HOXC9: variants seen among roughly 807,000 people sequenced by gnomAD.
HOXC9 encodes homeobox C9, also known as homeobox protein Hox-C9.
Under a neutral mutation model 20.0 loss-of-function variants are expected in HOXC9, and 10 were observed. The observed-to-expected ratio is 0.50, with a 90% CI of 0.31 to 0.85. The LOEUF (loss-of-function observed/expected upper bound fraction) is 0.85. HOXC9 is among the 40% of genes least tolerant of loss of function. The probability of loss-of-function intolerance (pLI) is 0.05; values close to 1 mark genes in which losing one functional copy is unlikely to be tolerated. For missense variants in HOXC9, 394 were observed against 376.7 expected, an observed-to-expected ratio of 1.05 and a Z score of -0.38; for synonymous variants, 200 against 163.7, an observed-to-expected ratio of 1.22 and a Z score of -1.69.
chr12:54,000,752 C>T, intron 1 of HOXC9, 26 bp downstream of exon 1: 1 of 1,480,718 alleles, frequency 6.8e-7, no homozygotes, highest in Non-Finnish European at 8.9e-7. Flanking sequence ...TTTTCCTTTA[C>T]AACCGGCGCG....
rs757790337 is a variant in HOXC9 at position 54,002,460 on chromosome 12, G to A, written c.569G>A (p.Arg190His). 10 of 1,613,930 alleles carry A rather than the reference G, an allele frequency of 6.2e-6. No individual in the cohort carries two copies. The highest frequency in any genetic ancestry group is 2.2e-5 in the East Asian group (1 of 44,894). Reference protein sequence around the residue: ...SNPVANWIHARSTRKKRCPYT... With the variant: ...SNPVANWIHAHSTRKKRCPYT... ...CCCGTGGCCAACTGGATTCACGCCC[G>A]CTCCACGAGGAAGAAGCGCTGCCCC... The change falls in exon 2 of 2, where the codon CGC (arginine) becomes CAC (histidine). Residue 190 changes from arginine to histidine, a missense_variant. Coordinates refer to ENST00000303450, the MANE Select transcript of HOXC9 (RefSeq NM_006897.3).
At position 54,002,347 on chromosome 12, in the gene HOXC9, C is replaced by T; in HGVS notation, c.539-83C>T. On this transcript the variant is annotated intron_variant, in intron 1 of 1. Coordinates refer to ENST00000303450, the MANE Select transcript of HOXC9 (RefSeq NM_006897.3). ...GGTTCAGTTATTGCATTTGGGGAGC[C>T]TGGCTAAGTCTAGGGGTAGAGTAGC... The T allele has an allele frequency of 6.0e-6, 9 of 1,489,120 alleles. No homozygotes were observed. In the South Asian group the frequency reaches 1.2e-4, roughly 20 times the overall value. 92.2% of individuals were successfully genotyped at this position (1,489,120 alleles called of 1,614,324 possible).
At position 54,002,524 on chromosome 12, in the gene HOXC9, T is replaced by C. The variant is rs759129781; in HGVS notation, c.633T>C (p.Phe211=). Reference sequence around the variant, plus strand: ...AGACGCTGGAACTGGAGAAGGAGTTTCTCTTCAATATGTATTTAACCAGGG... The same window carrying C: ...AGACGCTGGAACTGGAGAAGGAGTTCCTCTTCAATATGTATTTAACCAGGG... ...KYQTLELEKE[F]LFNMYLTRDR... is the part of the protein sequence containing the mutation. Residue 211 remains phenylalanine, a synonymous_variant, in exon 2 of 2, where the codon TTT becomes TTC. Coordinates refer to ENST00000303450, the MANE Select transcript of HOXC9 (RefSeq NM_006897.3). 6.2e-7 allele frequency: 1 copy of C among 1,614,166 alleles called. No individual in the cohort carries two copies. The highest frequency in any genetic ancestry group is 8.5e-7 in the Non-Finnish European group (1 of 1,180,034).
Position 54,000,163 on chromosome 12 carries a change from T to A in HOXC9, c.-26T>A. On this transcript the variant is annotated 5_prime_UTR_variant, in exon 1 of 2. Coordinates refer to ENST00000303450, the MANE Select transcript of HOXC9 (RefSeq NM_006897.3). ...AGTACATATACAGTTCATACAATAA[T>A]CTTATGTATGTAAAACCCCGTTACG... 1 of 1,600,002 alleles carries A rather than the reference T, an allele frequency of 6.2e-7. No homozygotes were observed. Among genetic ancestry groups the A allele is most frequent in the Non-Finnish European group, 8.6e-7 (1 of 1,168,764 alleles).
In HOXC9 at chr12:54,002,852, G is replaced by T. The variant is rs181553076; in HGVS notation, c.*178G>T. 24 of 677,550 alleles carry T rather than the reference G, an allele frequency of 3.5e-5. No homozygotes were observed. The Admixed American group carries it at 4.6e-4, about 13-fold the overall frequency. 42.0% of individuals were successfully genotyped at this position (677,550 alleles called of 1,614,324 possible). On this transcript the variant is annotated 3_prime_UTR_variant, in exon 2 of 2. Transcript: ENST00000303450. ...AAGAAAACTCTTGCGATTTGGGAGG[G>T]TTCAGTGTTGAGATATTGGTGTTTT... is the stretch of plus-strand genomic sequence containing the variant.
At chr12:54,001,377 G>C (rs551977083) in intron 1 of HOXC9, among the ~76,000 whole-genome samples, 1 of 152,100 alleles carries the variant, frequency 6.6e-6, no homozygotes, top group Admixed American at 6.5e-5. Flanking sequence ...GGGAAGGATT[G>C]AGAATGGGGA....
rs1321930967 is a variant in HOXC9 at position 54,002,904 on chromosome 12, A to C, written c.*230A>C. On this transcript the variant is annotated 3_prime_UTR_variant, in exon 2 of 2. Coordinates refer to ENST00000303450, the MANE Select transcript of HOXC9 (RefSeq NM_006897.3). Reference sequence around the variant, plus strand: ...GAGTTAGTTCTACCCAGCGAGGAGGAGGCGGGGAGAGAAACTGCGTTCTCT... The same window carrying C: ...GAGTTAGTTCTACCCAGCGAGGAGGCGGCGGGGAGAGAAACTGCGTTCTCT... 2.5e-5 allele frequency: 10 copies of C among 396,076 alleles called. No individual in the cohort carries two copies. In the East Asian group the frequency reaches 3.9e-4, roughly 15 times the overall value. The allele number at this position is 396,076 out of a possible 1,614,324, so 24.5% of individuals were successfully genotyped here.
chr12:54,002,844 T>G lies in HOXC9; in HGVS notation c.*170T>G. The G allele has an allele frequency of 1.4e-6, 1 of 734,422 alleles. No individual in the cohort carries two copies. The allele number at this position is 734,422 out of a possible 1,614,324, so 45.5% of individuals were successfully genotyped here. ...AAGGGGAAAAGAAAACTCTTGCGAT[T>G]TGGGAGGGTTCAGTGTTGAGATATT... On this transcript the variant is annotated 3_prime_UTR_variant, in exon 2 of 2. Transcript: ENST00000303450.
At position 54,002,536 on chromosome 12, in the gene HOXC9, G is replaced by A. The variant is rs199706649; in HGVS notation, c.645G>A (p.Met215Ile). ...TGGAGAAGGAGTTTCTCTTCAATAT[G>A]TATTTAACCAGGGACCGTCGGTATG... Reference protein sequence around the residue: ...LELEKEFLFNMYLTRDRRYEV... With the variant: ...LELEKEFLFNIYLTRDRRYEV... Residue 215 changes from methionine (M) to isoleucine (I), a missense_variant, in exon 2 of 2, where the codon ATG (methionine) becomes ATA (isoleucine). By Grantham distance (10) the Met-to-Ile change is conservative. Transcript: ENST00000303450. 3 of 1,614,172 alleles carry A rather than the reference G, an allele frequency of 1.9e-6. No homozygotes were observed. Among genetic ancestry groups the A allele is most frequent in the Middle Eastern group, 1.6e-4 (1 of 6,062 alleles).
rs1939775115 is a variant in HOXC9, at chr12:54,002,738, A to G, written c.*64A>G. On this transcript the variant is annotated 3_prime_UTR_variant, in exon 2 of 2. Coordinates refer to ENST00000303450, the MANE Select transcript of HOXC9 (RefSeq NM_006897.3). ...AAACAAAAACCCCACAAAATACCCC[A>G]ACACAGGCGGGGGAGAGACGAAAAA... The G allele has an allele frequency of 6.6e-7, 1 of 1,522,576 alleles. No individual in the cohort carries two copies. The highest frequency in any genetic ancestry group is 8.9e-7 in the Non-Finnish European group (1 of 1,127,726). 94.3% of individuals were successfully genotyped at this position (1,522,576 alleles called of 1,614,324 possible).
At chr12:54,002,076 A>T (rs1939758699) in intron 1 of HOXC9, among the ~76,000 whole-genome samples, 1 of 152,102 alleles carries the variant, frequency 6.6e-6, no homozygotes, top group African/African-American at 2.4e-5. Context: ...AGACCTTGCT[A>T]TAAAAATAAA....
Position 54,000,209 on chromosome 12 carries a change from C to T in HOXC9, c.21C>T (p.Ile7=). 2 of 1,614,134 alleles carry T rather than the reference C, an allele frequency of 1.2e-6. No homozygotes were observed. Among genetic ancestry groups the T allele is most frequent in the African/African-American group, 1.3e-5 (1 of 75,050 alleles). Residue 7 remains isoleucine (I), a synonymous_variant, in exon 1 of 2, where the codon ATC becomes ATT. Transcript: ENST00000303450. MSATGP[I]SNYYVDSLIS... ...TTACGATGTCGGCGACGGGGCCCAT[C>T]AGTAACTATTACGTGGACTCGCTCA...
In HOXC9 at chr12:54,002,726, A is replaced by G; in HGVS notation, c.*52A>G. ...CAGCCAAGGGAAAAACAAAAACCCCACAAAATACCCCAACACAGGCGGGGG... is the reference window on the plus strand; with the variant it reads ...CAGCCAAGGGAAAAACAAAAACCCCGCAAAATACCCCAACACAGGCGGGGG... On this transcript the variant is annotated 3_prime_UTR_variant, in exon 2 of 2. Coordinates refer to ENST00000303450, the MANE Select transcript of HOXC9 (RefSeq NM_006897.3). The G allele has an allele frequency of 6.4e-7, 1 of 1,557,950 alleles. No individual in the cohort carries two copies. The highest frequency in any genetic ancestry group is 8.7e-7 in the Non-Finnish European group (1 of 1,151,938).
At chr12:54,002,372 C>T in intron 1 of HOXC9, 58 bp from the exon 2 acceptor site, 1 of 1,574,208 alleles carries the variant, frequency 6.4e-7, no homozygotes, top group African/African-American at 1.4e-5. Flanking sequence ...GGTAGAGTAG[C>T]AGAAGTCCTG....
chr12:54,000,463 A>G lies in HOXC9; in HGVS notation c.275A>G (p.Tyr92Cys), dbSNP rs1272913895. 2 of 1,603,458 alleles carry G rather than the reference A, an allele frequency of 1.2e-6. No individual in the cohort carries two copies. The highest frequency in any genetic ancestry group is 2.2e-5 in the East Asian group (1 of 44,852). ...PQPHLGADTR[Y>C]MRTWLEPLSG... The stretch of plus-strand genomic sequence containing the variant: ...CCCCACCTCGGCGCCGACACGCGCT[A>G]CATGCGGACTTGGCTCGAGCCGCTG... The change falls in exon 1 of 2, where the codon TAC (tyrosine) becomes TGC (cysteine). Residue 92 changes from tyrosine to cysteine, a missense_variant. Coordinates refer to ENST00000303450, the MANE Select transcript of HOXC9 (RefSeq NM_006897.3).
Position 54,000,241 on chromosome 12 carries a change from A to T in HOXC9, c.53A>T (p.His18Leu). 6.2e-7 allele frequency: 1 copy of T among 1,614,148 alleles called. No homozygotes were observed. Among genetic ancestry groups the T allele is most frequent in the Admixed American group, 1.7e-5 (1 of 60,030 alleles). The change falls in exon 1 of 2, where the codon CAC becomes CTC. Residue 18 changes from histidine to leucine, a missense_variant. Physicochemically the swap from His to Leu is moderately conservative, Grantham distance 99 (BLOSUM62 -3). Transcript: ENST00000303450. The part of the protein sequence containing the change: ...SNYYVDSLIS[H>L]DNEDLLASRF... ...TATTACGTGGACTCGCTCATCTCTCACGACAATGAAGACCTCCTAGCGTCC... is the reference window on the plus strand; with the variant it reads ...TATTACGTGGACTCGCTCATCTCTCTCGACAATGAAGACCTCCTAGCGTCC...
At chr12:54,000,761 CGGGAG>C (rs770065757) in intron 1 of HOXC9, 35 bp downstream of exon 1, 14 of 1,405,064 alleles carry the variant, frequency 1.0e-5, no homozygotes, top group Admixed American at 5.2e-5. Flanking sequence ...ACAACCGGCG[CGGGAG>C]GGGAGGGGAG....
At chr12:54,001,130 G>A (rs1262311550) in intron 1 of HOXC9, among the ~76,000 whole-genome samples, 1 of 152,066 alleles carries the variant, frequency 6.6e-6, no homozygotes, top group East Asian at 1.9e-4. Context: ...GGGCACAGAG[G>A]AGATACCCCC....
Position 54,002,704 on chromosome 12 carries a change from C to T in HOXC9, c.*30C>T. ...TACCCAGCCTGCTGCCTCAGCACAGCCAAGGGAAAAACAAAAACCCCACAA... is the reference window on the plus strand; with the variant it reads ...TACCCAGCCTGCTGCCTCAGCACAGTCAAGGGAAAAACAAAAACCCCACAA... On this transcript the variant is annotated 3_prime_UTR_variant, in exon 2 of 2. Transcript: ENST00000303450. 1 of 1,574,996 alleles carries T rather than the reference C, an allele frequency of 6.3e-7. No individual in the cohort carries two copies. Among genetic ancestry groups the T allele is most frequent in the Non-Finnish European group, 8.6e-7 (1 of 1,160,022 alleles).
Sources: gnomAD v4.1 joint callset for allele counts (sites outside exome capture counted in the v4.1 genomes callset) on GRCh38, gnomAD v4.1.1 for gene constraint, MANE v1.5 for transcripts, NCBI Gene and HGNC (gene_info 2026-07-23, HGNC 2026-07-21) for gene names.